GFRA2: variants seen among roughly 807,000 people sequenced by gnomAD.
GFRA2 encodes the protein GDNF family receptor alpha 2.
In GFRA2, 17 loss-of-function variants were observed where a neutral mutation model predicts 48.3. The ratio of observed to expected loss-of-function variants is 0.35; its 90% CI spans 0.24 to 0.53. The LOEUF is 0.53. GFRA2 is among the 20% of genes least tolerant of loss of function. GFRA2 has a pLI of 0.93. For missense variants in GFRA2, 660 were observed against 637.3 expected (o/e 1.04, Z -0.38); for synonymous variants, 305 against 257.2 (o/e 1.19, Z -1.78).
intron 1 of GFRA2, 58 bp downstream of exon 1, chr8:21,788,061 GC>G: frequency 3.4e-6 from 1 of 294,716 alleles, no homozygotes. Flanking sequence ...CGCTCCGCTC[GC>G]CCCCCGCCTC....
rs758669783 is a variant in GFRA2 at position 21,804,425 on chromosome 8, T to TA, written c.-36+591dup. Among the ~76,000 whole-genome samples the TA allele has an allele frequency of 3.3e-3, 411 of 124,938 alleles. 2 individuals carry two copies. The highest frequency in any genetic ancestry group is 0.02 in the East Asian group (70 of 3,446). The allele number at this position is 124,938 out of a possible 152,430, so 82.0% of individuals were successfully genotyped here. ...TTTTGTCAACTATAAACTTCTCTGCTAAAAAAAAAAACAAAAAAAAAACAA... is the reference window on the plus strand; with the variant it reads ...TTTTGTCAACTATAAACTTCTCTGCTAAAAAAAAAAAACAAAAAAAAAACAA... On this transcript the variant is annotated intron_variant, in intron 2 of 10. Transcript: ENST00000517328.
intron 2 of GFRA2, among the ~76,000 whole-genome samples, chr8:21,800,711 G>T (rs2117113103): frequency 6.6e-6 from 1 of 152,318 alleles, no homozygotes; most frequent in African/African-American, 2.4e-5. Context: ...GATGGCTTGA[G>T]CCCAGGAGTT....
In GFRA2 at chr8:21,775,989, C is replaced by CTGTGTGTTTGTGTG. The variant is rs1215891458; in HGVS notation, c.356-935_356-934insCACACAAACACACA. On this transcript the variant is annotated intron_variant, in intron 2 of 8. Coordinates refer to ENST00000524240, the MANE Select transcript of GFRA2 (RefSeq NM_001495.5). Reference sequence around the variant, plus strand: ...AAATTGATGGCTCACCACTCATCCTCTGTGTGTGTGTGTGTGTGTGTGTGT... The same window carrying CTGTGTGTTTGTGTG: ...AAATTGATGGCTCACCACTCATCCTCTGTGTGTTTGTGTGTGTGTGTGTGTGTGTGTGTGTGTGT... Among the ~76,000 whole-genome samples, 215 of 126,478 alleles carry CTGTGTGTTTGTGTG rather than the reference C, an allele frequency of 1.7e-3. 1 individual carries two copies. Among genetic ancestry groups the CTGTGTGTTTGTGTG allele is most frequent in the African/African-American group, 6.3e-3 (203 of 32,004 alleles). The allele number at this position is 126,478 out of a possible 152,430, so 83.0% of individuals were successfully genotyped here.
At chr8:21,747,897 C>T (rs533027744) in intron 4 of GFRA2, among the ~76,000 whole-genome samples, 73 of 152,192 alleles carry the variant, frequency 4.8e-4, no homozygotes, top group Non-Finnish European at 8.1e-4. Flanking sequence ...GACACCACAG[C>T]TCAGTCACCT....
At chr8:21,700,119 C>T (rs73217502) in intron 7 of GFRA2, among the ~76,000 whole-genome samples, 4,998 of 152,262 alleles carry the variant, frequency 0.033, 100 homozygotes, top group Non-Finnish European at 0.049. Flanking sequence ...CTCAGAGGAA[C>T]GGCCAAGTGC....
intron 3 of GFRA2, among the ~76,000 whole-genome samples, chr8:21,760,128 G>A (rs116439681): frequency 0.011 from 1,641 of 152,314 alleles, 22 homozygotes; most frequent in African/African-American, 0.036. Flanking sequence ...CTTCCTGGAG[G>A]AGGCAGAAGT....
At chr8:21,764,761 C>A (rs36162741) in intron 3 of GFRA2, among the ~76,000 whole-genome samples, 29,272 of 152,230 alleles carry the variant, frequency 0.19, 2,965 homozygotes, top group South Asian at 0.25. Flanking sequence ...CCAACAGGTA[C>A]AAATGTGCCA....
chr8:21,703,042 T>C, intron 6 of GFRA2, 65 bp from the exon 7 acceptor site: 2 of 1,028,374 alleles, frequency 1.9e-6, no homozygotes, highest in Non-Finnish European at 2.8e-6. Context: ...CTGTCCCTGC[T>C]CCTCACACTC....
intron 7 of GFRA2, among the ~76,000 whole-genome samples, chr8:21,697,134 G>GGCAGAGGGGAA: frequency 6.7e-6 from 1 of 149,858 alleles, no homozygotes; most frequent in African/African-American, 2.5e-5. Flanking sequence ...AGAAGGGGGA[G>GGCAGAGGGGAA]GGGACAGAGG....
intron 2 of GFRA2, among the ~76,000 whole-genome samples, chr8:21,801,165 C>T (rs1807762815): frequency 6.6e-6 from 1 of 152,088 alleles, no homozygotes; most frequent in South Asian, 2.1e-4. Context: ...GTGCTGCCCA[C>T]AGTCCTCGCC....
At position 21,693,400 on chromosome 8, in the gene GFRA2, G is replaced by A. The variant is rs1249755978; in HGVS notation, c.1273C>T (p.Leu425Phe). The change falls in exon 9 of 9, where the codon CTC (leucine) becomes TTC (phenylalanine). Residue 425 changes from leucine (L) to phenylalanine (F), a missense_variant and splice_region_variant. Leu to Phe is a conservative substitution (Grantham distance 22, BLOSUM62 0). Coordinates refer to ENST00000524240, the MANE Select transcript of GFRA2 (RefSeq NM_001495.5). ...SKELSMCFTE[L>F]TTNIIPGSNK... ...CTCCCTGGGATGATATTTGTCGTGA[G>A]CTGAGTCCGCAGCAGGAGAAGAATC... The A allele has an allele frequency of 8.7e-6, 14 of 1,606,760 alleles. No individual in the cohort carries two copies. In the Admixed American group the frequency reaches 2.4e-4, roughly 27 times the overall value.
chr8:21,792,474 T>C (rs1175485605), upstream of GFRA2, among the ~76,000 whole-genome samples: 1 of 152,176 alleles, frequency 6.6e-6, no homozygotes, highest in Non-Finnish European at 1.5e-5. Context: ...CACAGACTTA[T>C]TGAACGACTT....
Position 21,728,916 on chromosome 8 carries a change from G to C in GFRA2, c.794+21672C>G, listed in dbSNP as rs552470292. The stretch of plus-strand genomic sequence containing the variant: ...GTCACCTTAGTACTACTGGATGGAG[G>C]GGGTAGTTCTCCTCTGCAGCCTTGC... On this transcript the variant is annotated intron_variant, in intron 4 of 8. Transcript: ENST00000524240. Among the ~76,000 whole-genome samples, 17 of 152,320 alleles carry C rather than the reference G, an allele frequency of 1.1e-4. No individual in the cohort carries two copies. In the South Asian group the frequency reaches 2.3e-3, roughly 20 times the overall value.
At chr8:21,783,086 T>A (rs1031103749) in intron 1 of GFRA2, 187 bp from the exon 2 acceptor site, 4 of 708,742 alleles carry the variant, frequency 5.6e-6, no homozygotes, top group Non-Finnish European at 1.0e-5. Flanking sequence ...CTCCCCTGGA[T>A]GTAGGAGCAA....
chr8:21,767,217 A>C (rs13248700), intron 3 of GFRA2, among the ~76,000 whole-genome samples: 68,683 of 139,784 alleles, frequency 0.49, 17,456 homozygotes, highest in African/African-American at 0.75. Context: ...ACCATGCCCA[A>C]ACACACACAC....
At chr8:21,695,525 T>A (rs954513892) in intron 7 of GFRA2, among the ~76,000 whole-genome samples, 1 of 151,910 alleles carries the variant, frequency 6.6e-6, no homozygotes, top group African/African-American at 2.4e-5. Context: ...TGGCCAAGAG[T>A]AGAGTCACTG....
At chr8:21,697,177 A>C (rs1301371694) in intron 7 of GFRA2, among the ~76,000 whole-genome samples, 1 of 121,844 alleles carries the variant, frequency 8.2e-6, no homozygotes, top group African/African-American at 3.1e-5. Context: ...AGGGGAGGGG[A>C]CAGAGGAGAG....
At position 21,691,097 on chromosome 8, in the gene GFRA2, G is replaced by C. The variant is rs376618362; in HGVS notation, c.*2181C>G. The C allele has an allele frequency of 3.3e-4, 51 of 152,334 alleles. No individual in the cohort carries two copies. The highest frequency in any genetic ancestry group is 1.2e-3 in the African/African-American group (50 of 41,570). The allele number at this position is 152,334 out of a possible 1,614,324, so 9.4% of individuals were successfully genotyped here. ...AACCAGAAGCAAAAGCCATTGAGGG[G>C]ACCTGCGATTGGGAGATGGGAAAAC... On this transcript the variant is annotated 3_prime_UTR_variant, in exon 9 of 9. Transcript: ENST00000524240.
At position 21,690,533 on chromosome 8, in the gene GFRA2, G is replaced by C. The variant is rs1801846898; in HGVS notation, c.*2745C>G. ...CAGCCATGTGATACTTGGATAGGGAGACATTTGAGGGCAGAGTAAAGCTAG... is the reference window on the plus strand; with the variant it reads ...CAGCCATGTGATACTTGGATAGGGACACATTTGAGGGCAGAGTAAAGCTAG... On this transcript the variant is annotated 3_prime_UTR_variant, in exon 9 of 9. Coordinates refer to ENST00000524240, the MANE Select transcript of GFRA2 (RefSeq NM_001495.5). 6.6e-6 allele frequency: 1 copy of C among 152,230 alleles called. No homozygotes were observed. Among genetic ancestry groups the C allele is most frequent in the Non-Finnish European group, 1.5e-5 (1 of 68,050 alleles). The allele number at this position is 152,230 out of a possible 1,614,324, so 9.4% of individuals were successfully genotyped here. A position where few individuals can be genotyped will look rare whatever the true frequency, so the allele number is the denominator to read the frequency against.
Sources: allele counts gnomAD v4.1 joint callset (sites outside exome capture counted in the v4.1 genomes callset), GRCh38; gene constraint gnomAD v4.1.1; transcripts MANE v1.5; gene names NCBI Gene and HGNC (gene_info 2026-07-23, HGNC 2026-07-21).